Variants in IL7 observed in about 807,000 individuals in gnomAD.
IL7 encodes the protein interleukin 7.
Under a neutral mutation model 21.6 loss-of-function variants are expected in IL7, and 3 were observed. The ratio of observed to expected loss-of-function variants is 0.14; its 90% confidence interval spans 0.06 to 0.36. IL7 has a LOEUF of 0.36. Ranked by LOEUF, IL7 falls within the 10% of genes least tolerant of loss-of-function variation. IL7 has a pLI of 1.00. For synonymous variants in IL7, 62 were observed against 68.1 expected (o/e 0.91, Z 0.44); for missense variants, 175 against 200.2 (o/e 0.87, Z 0.76).
chr8:78,797,029 A>C (rs1813875072), intron 2 of IL7, among the ~76,000 whole-genome samples: 1 of 152,040 alleles, frequency 6.6e-6, no homozygotes, highest in African/African-American at 2.4e-5. Flanking sequence ...GAAAAAATAA[A>C]CAAGTTGTGG....
rs960819299 is a variant in IL7, at chr8:78,761,671, C to G, written c.148-21589G>C. The G allele has an allele frequency of 3.7e-6, 6 of 1,611,858 alleles. No homozygotes were observed. In the African/African-American group the frequency reaches 6.7e-5, roughly 18 times the overall value. ...AAAAGACGTGTGAGTCTCTCACTTC[C>G]CTGAGAGTTTCTTCTCGAATACAGC... On this transcript the variant is annotated intron_variant, in intron 2 of 5. Coordinates refer to ENST00000263851, the MANE Select transcript of IL7 (RefSeq NM_000880.4).
chr8:78,762,462 C>T (rs1347556781), intron 2 of IL7: 1 of 1,546,126 alleles, frequency 6.5e-7, no homozygotes, highest in Non-Finnish European at 8.7e-7. Flanking sequence ...GTCCAGCCCT[C>T]CCCTCCCCGC....
chr8:78,764,211 T>A lies in IL7; in HGVS notation c.148-24129A>T, dbSNP rs187313754. Among the ~76,000 whole-genome samples, 798 of 152,124 alleles carry A rather than the reference T, an allele frequency of 5.2e-3. 10 individuals carry two copies. Among genetic ancestry groups the A allele is most frequent in the African/African-American group, 0.019 (771 of 41,516 alleles). On this transcript the variant is annotated intron_variant, in intron 2 of 5. Coordinates refer to ENST00000263851, the MANE Select transcript of IL7 (RefSeq NM_000880.4). ...AGGGACTTCCTCAACTTAAAGGACATCTACAAAAGTCCTATAGCTAATATC... is the reference window on the plus strand; with the variant it reads ...AGGGACTTCCTCAACTTAAAGGACAACTACAAAAGTCCTATAGCTAATATC...
chr8:78,697,268 A>G, intron 3 of IL7: 1 of 640,764 alleles, frequency 1.6e-6, no homozygotes, highest in South Asian at 2.3e-5. Context: ...TGCAACCATC[A>G]TCACCATTCA....
chr8:78,687,111 C>G (rs1293033648), intron 3 of IL7, among the ~76,000 whole-genome samples: 6 of 151,918 alleles, frequency 3.9e-5, no homozygotes, highest in Non-Finnish European at 7.4e-5. Flanking sequence ...ATAAAAGTTG[C>G]TTGAGTCATT....
At chr8:78,795,623 T>TTTAATAGCATATATG (rs1813828967) in intron 2 of IL7, among the ~76,000 whole-genome samples, 1 of 152,092 alleles carries the variant, frequency 6.6e-6, no homozygotes, top group Non-Finnish European at 1.5e-5. Flanking sequence ...GCATATTATT[T>TTTAATAGCATATATG]TGCACTTTTA....
intron 3 of IL7, among the ~76,000 whole-genome samples, chr8:78,696,043 CTT>C (rs1022267808): frequency 6.7e-6 from 1 of 148,582 alleles, no homozygotes; most frequent in Non-Finnish European, 1.5e-5. Context: ...ATTTTTCTTT[CTT>C]TTTTTTTTGA....
At chr8:78,708,535 C>A (rs1368693887) in intron 3 of IL7, among the ~76,000 whole-genome samples, 1 of 151,326 alleles carries the variant, frequency 6.6e-6, no homozygotes, top group Non-Finnish European at 1.5e-5. Flanking sequence ...AAAACAAAAA[C>A]AACCTTTTTA....
At chr8:78,746,994 A>C in intron 2 of IL7, 1 of 456,130 alleles carries the variant, frequency 2.2e-6, no homozygotes, top group South Asian at 1.6e-5. Context: ...GTTACTCTTC[A>C]TGGTCACATG....
intron 2 of IL7, among the ~76,000 whole-genome samples, chr8:78,772,340 A>G (rs1209894931): frequency 6.6e-6 from 1 of 152,202 alleles, no homozygotes; most frequent in Non-Finnish European, 1.5e-5. Flanking sequence ...TGACCACATG[A>G]CATAGCCTGT....
intron 4 of IL7, chr8:78,678,783 C>A: frequency 1.6e-6 from 1 of 610,792 alleles, no homozygotes. Context: ...CAATTATCTG[C>A]TACATTAAGA....
chr8:78,753,359 T>G (rs564255896), intron 2 of IL7, among the ~76,000 whole-genome samples: 18 of 152,362 alleles, frequency 1.2e-4, no homozygotes, highest in African/African-American at 4.1e-4. Flanking sequence ...TTTGATATGT[T>G]TGTTGGCCGC....
chr8:78,725,440 C>A (rs920173394), intron 3 of IL7, among the ~76,000 whole-genome samples: 2 of 150,902 alleles, frequency 1.3e-5, no homozygotes, highest in African/African-American at 2.4e-5. Flanking sequence ...TCTGGCTGAA[C>A]AGCCTCCAAA....
At chr8:78,760,833 T>G (rs1812528137) in intron 2 of IL7, 1 of 1,553,622 alleles carries the variant, frequency 6.4e-7, no homozygotes, top group Non-Finnish European at 8.7e-7. Flanking sequence ...CAAAATTCAT[T>G]ATAAACTTCA....
intron 2 of IL7, 69 bp from the exon 3 acceptor site, chr8:78,740,151 A>T: frequency 3.3e-6 from 3 of 914,388 alleles, no homozygotes; most frequent in Non-Finnish European, 3.0e-6. Flanking sequence ...AATTATAAAA[A>T]ATAATAATCT....
intron 2 of IL7, among the ~76,000 whole-genome samples, chr8:78,776,015 C>G (rs534555547): frequency 6.6e-6 from 1 of 151,854 alleles, no homozygotes; most frequent in Non-Finnish European, 1.5e-5. Flanking sequence ...GGTACCAGAC[C>G]CTATATATGC....
At position 78,762,570 on chromosome 8, in the gene IL7, G is replaced by T. The variant is rs1225248931; in HGVS notation, c.148-22488C>A. On this transcript the variant is annotated intron_variant, in intron 2 of 5. Transcript: ENST00000263851. Reference sequence around the variant, plus strand: ...CGACGCGCGGGGGAGGGGCGGGCGGGCTAGAAGCCGCCGGGTTCTTTTTTA... The same window carrying T: ...CGACGCGCGGGGGAGGGGCGGGCGGTCTAGAAGCCGCCGGGTTCTTTTTTA... 8.5e-5 allele frequency: 33 copies of T among 387,450 alleles called. 1 individual carries two copies. The highest frequency in any genetic ancestry group is 6.7e-5 in the Non-Finnish European group (15 of 222,952). The allele number at this position is 387,450 out of a possible 1,614,324, so 24.0% of individuals were successfully genotyped here.
intron 3 of IL7, among the ~76,000 whole-genome samples, chr8:78,686,829 T>C (rs970705100): frequency 1.3e-5 from 2 of 152,148 alleles, no homozygotes; most frequent in African/African-American, 4.8e-5. Context: ...TTAATACTTT[T>C]ATTTAAACAA....
At chr8:78,760,903 G>A (rs1812531309) in intron 2 of IL7, 3 of 1,557,204 alleles carry the variant, frequency 1.9e-6, no homozygotes, top group Admixed American at 3.9e-5. Context: ...CGGCTGCAAA[G>A]AAGACATCAG....
Sources: allele counts gnomAD v4.1 joint callset (sites outside exome capture counted in the v4.1 genomes callset), GRCh38; gene constraint gnomAD v4.1.1; transcripts MANE v1.5; gene names NCBI Gene and HGNC (gene_info 2026-07-23, HGNC 2026-07-21).